Variants in ANKRD44 observed in about 807,000 individuals in gnomAD.
ANKRD44 encodes the protein serine/threonine-protein phosphatase 6 regulatory ankyrin repeat subunit B.
Under a neutral mutation model 116.0 loss-of-function variants are expected in ANKRD44, and 35 were observed. The observed-to-expected ratio is 0.30, with a 90% CI of 0.23 to 0.40. The LOEUF is 0.40. ANKRD44 is among the 10% of genes least tolerant of loss of function. The probability of loss-of-function intolerance (pLI) is 1.00; values close to 1 mark genes in which losing one functional copy is unlikely to be tolerated. For missense variants in ANKRD44, 1,014 were observed against 1,242.6 expected, an observed-to-expected ratio of 0.82 and a Z score of 2.77; for synonymous variants, 435 against 461.8, an observed-to-expected ratio of 0.94 and a Z score of 0.74.
intron 1 of ANKRD44, among the ~76,000 whole-genome samples, chr2:197,272,873 G>A (rs922141710): frequency 2.0e-5 from 3 of 152,108 alleles, no homozygotes; most frequent in African/African-American, 4.8e-5. Flanking sequence ...TCTGTTGGAA[G>A]CACCAAAGCA....
At chr2:197,093,968 AC>A in intron 10 of ANKRD44, among the ~76,000 whole-genome samples, 1 of 152,210 alleles carries the variant, frequency 6.6e-6, no homozygotes, top group Non-Finnish European at 1.5e-5. Flanking sequence ...TTAATGGAAC[AC>A]ATTTATATTA....
intron 1 of ANKRD44, among the ~76,000 whole-genome samples, chr2:197,283,675 T>G (rs2083327342): frequency 6.6e-6 from 1 of 152,250 alleles, no homozygotes; most frequent in South Asian, 2.1e-4. Context: ...AGTTGTTTTT[T>G]TTTCACAAAA....
intron 22 of ANKRD44, among the ~76,000 whole-genome samples, chr2:197,000,778 T>A (rs2076100062): frequency 6.6e-6 from 1 of 152,118 alleles, no homozygotes; most frequent in Admixed American, 6.6e-5. Flanking sequence ...TCCTTCAGAT[T>A]TAAAATCTTT....
At position 197,272,858 on chromosome 2, in the gene ANKRD44, G is replaced by A. The variant is rs116139517; in HGVS notation, c.27+37720C>T. Among the ~76,000 whole-genome samples the A allele has an allele frequency of 6.7e-3, 1,019 of 152,084 alleles. 16 individuals are homozygous for A. The highest frequency in any genetic ancestry group is 0.023 in the African/African-American group (961 of 41,480). On this transcript the variant is annotated intron_variant, in intron 1 of 27. Transcript: ENST00000282272. ...GTTGTTTATGGGCCACCCAGTCCAC[G>A]GTATTCTGTTGGAAGCACCAAAGCA...
intron 1 of ANKRD44, among the ~76,000 whole-genome samples, chr2:197,214,670 C>T (rs2081404364): frequency 6.6e-6 from 1 of 152,124 alleles, no homozygotes; most frequent in Admixed American, 6.5e-5. Context: ...GCTATAAAAA[C>T]TAAATGTGAA....
At chr2:197,264,509 GT>G (rs1233674465) in intron 1 of ANKRD44, among the ~76,000 whole-genome samples, 2 of 152,196 alleles carry the variant, frequency 1.3e-5, no homozygotes, top group African/African-American at 4.8e-5. Flanking sequence ...TAGCATCAAC[GT>G]TTTTGAGTTT....
At chr2:197,012,036 C>T (rs2076310531) in intron 18 of ANKRD44, among the ~76,000 whole-genome samples, 1 of 152,224 alleles carries the variant, frequency 6.6e-6, no homozygotes, top group African/African-American at 2.4e-5. Flanking sequence ...CTGGCTCTTG[C>T]TCCTCATAGT....
At chr2:197,082,127 G>A (rs17386201) in intron 14 of ANKRD44, among the ~76,000 whole-genome samples, 19,150 of 152,094 alleles carry the variant, frequency 0.13, 1,418 homozygotes, top group Non-Finnish European at 0.17. Flanking sequence ...TTCACCCTTC[G>A]TCTGCCAGAA....
intron 1 of ANKRD44, among the ~76,000 whole-genome samples, chr2:197,215,673 A>C (rs1303360243): frequency 6.6e-6 from 1 of 152,210 alleles, no homozygotes; most frequent in Non-Finnish European, 1.5e-5. Context: ...CTGAAAAAAA[A>C]CTATCTGGCT....
At chr2:197,234,426 A>G (rs1485442789) in intron 1 of ANKRD44, among the ~76,000 whole-genome samples, 1 of 152,222 alleles carries the variant, frequency 6.6e-6, no homozygotes, top group Non-Finnish European at 1.5e-5. Flanking sequence ...TCCTGGGCTC[A>G]AGCAATCCAC....
intron 1 of ANKRD44, among the ~76,000 whole-genome samples, chr2:197,273,960 CAAAA>C (rs1158937486): frequency 0.014 from 130 of 9,284 alleles, 2 homozygotes; most frequent in Non-Finnish European, 0.015. Context: ...CAACCAACCA[CAAAA>C]AAAAAAAAAA....
chr2:197,016,071 G>T, intron 17 of ANKRD44: 2 of 474,842 alleles, frequency 4.2e-6, no homozygotes, highest in Non-Finnish European at 8.3e-6. Flanking sequence ...GTTGTCAGGA[G>T]AGCTGCAGGT....
chr2:197,008,632 G>A (rs1437664292), intron 19 of ANKRD44, among the ~76,000 whole-genome samples: 1 of 152,180 alleles, frequency 6.6e-6, no homozygotes, highest in East Asian at 1.9e-4. Flanking sequence ...CAATGGTGTA[G>A]CAGCTTCAGA....
intron 1 of ANKRD44, among the ~76,000 whole-genome samples, chr2:197,273,971 AAAAAAAAAAATATATATATATATATAT>A (rs2082977075): frequency 5.2e-5 from 4 of 76,338 alleles, no homozygotes; most frequent in Admixed American, 3.1e-4. Flanking sequence ...AAAAAAAAAA[AAAAAAAAAAATATATATATATATATAT>A]ATATATATAT....
chr2:196,978,100 C>A (rs1485178064), intron 21 of ANKRD44, among the ~76,000 whole-genome samples: 3 of 152,150 alleles, frequency 2.0e-5, no homozygotes, highest in African/African-American at 7.2e-5. Context: ...TCTCATGTTG[C>A]AATATTACTA....
chr2:197,053,609 G>A (rs1337887225), intron 16 of ANKRD44, among the ~76,000 whole-genome samples: 5 of 152,104 alleles, frequency 3.3e-5, no homozygotes, highest in African/African-American at 4.8e-5. Flanking sequence ...TCAGCCTCCC[G>A]AGTAGCTGGG....
intron 16 of ANKRD44, among the ~76,000 whole-genome samples, chr2:197,070,580 C>T (rs1559038620): frequency 1.3e-5 from 2 of 152,106 alleles, no homozygotes; most frequent in African/African-American, 4.8e-5. Context: ...AGGCTTGCAT[C>T]CCTGTAATAA....
intron 1 of ANKRD44, among the ~76,000 whole-genome samples, chr2:197,206,228 T>C (rs1410433217): frequency 6.6e-6 from 1 of 152,228 alleles, no homozygotes; most frequent in Non-Finnish European, 1.5e-5. Flanking sequence ...TTTTCACTCA[T>C]TCTTTCAGTA....
At chr2:197,004,747 CAAT>C (rs1264004884) in intron 21 of ANKRD44, among the ~76,000 whole-genome samples, 1 of 152,080 alleles carries the variant, frequency 6.6e-6, no homozygotes, top group Admixed American at 6.6e-5. Context: ...CCCCCTTACT[CAAT>C]AATTTTATTT....
Sources: allele counts gnomAD v4.1 joint callset (sites outside exome capture counted in the v4.1 genomes callset), GRCh38; gene constraint gnomAD v4.1.1; transcripts MANE v1.5; gene names NCBI Gene and HGNC (gene_info 2026-07-23, HGNC 2026-07-21).